Variants in MN1 observed in about 807,000 individuals in gnomAD.
MN1 encodes the protein transcriptional activator MN1.
MN1 carries 19 observed loss-of-function variants against 86.9 expected under a neutral mutation model. The ratio of observed to expected loss-of-function variants is 0.22; its 90% CI spans 0.15 to 0.32. The LOEUF (loss-of-function observed/expected upper bound fraction) is 0.32. MN1 is among the 10% of genes least tolerant of loss of function. The pLI, the probability that MN1 is intolerant of heterozygous loss-of-function variation, is 1.00. For missense variants in MN1, 1,841 were observed against 1,862.0 expected (o/e 0.99, Z 0.21); for synonymous variants, 928 against 849.6 (o/e 1.09, Z -1.60).
At chr22:27,793,166 G>A (rs1933238009) in intron 1 of MN1, among the ~76,000 whole-genome samples, 1 of 152,158 alleles carries the variant, frequency 6.6e-6, no homozygotes, top group African/African-American at 2.4e-5. Context: ...GGGGAAAGGA[G>A]GTTTGGCAAA....
intron 1 of MN1, among the ~76,000 whole-genome samples, chr22:27,780,307 C>CCTCT (rs1404692975): frequency 6.6e-6 from 1 of 152,136 alleles, no homozygotes; most frequent in Non-Finnish European, 1.5e-5. Context: ...CTGTCTCTCC[C>CCTCT]CTCTCACCAG....
intron 1 of MN1, among the ~76,000 whole-genome samples, chr22:27,787,409 G>A (rs915541837): frequency 6.6e-6 from 1 of 152,204 alleles, no homozygotes; most frequent in Non-Finnish European, 1.5e-5. Flanking sequence ...TGGACCTGGG[G>A]TCTCCTGGAA....
At chr22:27,771,417 G>GA (rs1325362029) in intron 1 of MN1, among the ~76,000 whole-genome samples, 1 of 151,426 alleles carries the variant, frequency 6.6e-6, no homozygotes, top group Admixed American at 6.6e-5. Context: ...GTTGGTAGGG[G>GA]GGTCTCACTA....
chr22:27,779,065 C>T (rs964578428), intron 1 of MN1, among the ~76,000 whole-genome samples: 1 of 152,194 alleles, frequency 6.6e-6, no homozygotes, highest in African/African-American at 2.4e-5. Context: ...GGGTCCATCC[C>T]GGTCCCTCTG....
Position 27,798,376 on chromosome 22 carries a change from C to G in MN1, c.2168G>C (p.Ser723Thr). 2 of 1,503,166 alleles carry G rather than the reference C, an allele frequency of 1.3e-6. No homozygotes were observed. The highest frequency in any genetic ancestry group is 1.8e-6 in the Non-Finnish European group (2 of 1,135,378). 93.1% of individuals were successfully genotyped at this position (1,503,166 alleles called of 1,614,324 possible). The change falls in exon 1 of 2, where the codon AGC becomes ACC. Residue 723 changes from serine (S) to threonine (T), a missense_variant. Ser to Thr is a moderately conservative substitution (Grantham distance 58, BLOSUM62 1). Coordinates refer to ENST00000302326, the MANE Select transcript of MN1 (RefSeq NM_002430.3). ...QSPGAGVGLPSAASERRPPPP... is the reference protein window; with the variant it reads ...QSPGAGVGLPTAASERRPPPP... ...CGGGGGCCGGCGCTCCGAAGCAGCG[C>G]TGGGGAGCCCCACGCCCGCCCCGGG...
At chr22:27,771,569 C>T (rs917692529) in intron 1 of MN1, among the ~76,000 whole-genome samples, 1 of 152,036 alleles carries the variant, frequency 6.6e-6, no homozygotes, top group Admixed American at 6.6e-5. Flanking sequence ...AAAGAAGATA[C>T]TTCATAACAA....
intron 1 of MN1, among the ~76,000 whole-genome samples, chr22:27,795,596 G>A (rs1477679036): frequency 2.0e-5 from 3 of 151,942 alleles, no homozygotes; most frequent in Non-Finnish European, 4.4e-5. Context: ...GAAACCAAGG[G>A]AATTCAACTA....
intron 1 of MN1, among the ~76,000 whole-genome samples, chr22:27,755,132 C>G (rs2283845): frequency 0.2 from 30,074 of 152,132 alleles, 3,288 homozygotes; most frequent in East Asian, 0.34. Context: ...GCTCTCTCCT[C>G]TCAGCCCAGG....
At chr22:27,776,922 G>C (rs1045790134) in intron 1 of MN1, among the ~76,000 whole-genome samples, 3 of 152,154 alleles carry the variant, frequency 2.0e-5, no homozygotes, top group Non-Finnish European at 2.9e-5. Flanking sequence ...GGAGCCGGTG[G>C]GGGAGAGGGA....
At chr22:27,770,407 T>C (rs1024644028) in intron 1 of MN1, among the ~76,000 whole-genome samples, 4 of 151,966 alleles carry the variant, frequency 2.6e-5, no homozygotes, top group African/African-American at 9.7e-5. Context: ...TTCCAACACA[T>C]AAATTTCTGG....
At chr22:27,786,438 C>T (rs1306292993) in intron 1 of MN1, among the ~76,000 whole-genome samples, 1 of 152,094 alleles carries the variant, frequency 6.6e-6, no homozygotes, top group East Asian at 1.9e-4. Context: ...TAAACACACA[C>T]ACACACACAC....
At chr22:27,751,124 T>C (rs781163572) in intron 1 of MN1, 28 bp from the exon 2 acceptor site, 3 of 1,520,662 alleles carry the variant, frequency 2.0e-6, no homozygotes, top group Non-Finnish European at 1.8e-6. Flanking sequence ...AGAGAGGACA[T>C]TAGTGGCACA....
Position 27,800,635 on chromosome 22 carries a change from G to C in MN1, c.-92C>G. 1 of 1,578,282 alleles carries C rather than the reference G, an allele frequency of 6.3e-7. No homozygotes were observed. The highest frequency in any genetic ancestry group is 1.1e-5 in the South Asian group (1 of 87,348). ...CAGCTACTCGTTCCAGCCCAGGATT[G>C]GGCGCTCCGGGACGCTCAGCACCGC... On this transcript the variant is annotated 5_prime_UTR_variant, in exon 1 of 2. Transcript: ENST00000302326.
In MN1 at chr22:27,798,274, G is replaced by T; in HGVS notation, c.2270C>A (p.Pro757Gln). The change falls in exon 1 of 2, where the codon CCG becomes CAG. Residue 757 changes from proline (P) to glutamine (Q), a missense_variant. Pro to Gln is a moderately conservative substitution (Grantham distance 76). Transcript: ENST00000302326. Reference sequence around the variant, plus strand: ...CGAGTTCACGCCTGGACCGCTGTGCGGCGTGGACTGCCGGCCGGCTGCACC... The same window carrying T: ...CGAGTTCACGCCTGGACCGCTGTGCTGCGTGGACTGCCGGCCGGCTGCACC... ...PFGAAGRQST[P>Q]HSGPGVNSPP... 6.5e-7 allele frequency: 1 copy of T among 1,528,410 alleles called. No homozygotes were observed. Among genetic ancestry groups the T allele is most frequent in the African/African-American group, 1.4e-5 (1 of 71,554 alleles). 94.7% of individuals were successfully genotyped at this position (1,528,410 alleles called of 1,614,324 possible). A position where few individuals can be genotyped will look rare whatever the true frequency, so the allele number is the denominator to read the frequency against.
chr22:27,771,072 A>C (rs773425546), intron 1 of MN1, among the ~76,000 whole-genome samples: 71 of 152,262 alleles, frequency 4.7e-4, no homozygotes, highest in South Asian at 1.2e-3. Flanking sequence ...CACTGCATTA[A>C]GCACACTTCA....
Position 27,748,457 on chromosome 22 carries a change from A to T in MN1, c.*2458T>A, listed in dbSNP as rs1373201739. 1.0e-5 allele frequency: 2 copies of T among 193,400 alleles called. No individual in the cohort carries two copies. Among genetic ancestry groups the T allele is most frequent in the Non-Finnish European group, 2.2e-5 (2 of 92,412 alleles). The allele number at this position is 193,400 out of a possible 1,614,324, so 12.0% of individuals were successfully genotyped here. On this transcript the variant is annotated 3_prime_UTR_variant, in exon 2 of 2. Coordinates refer to ENST00000302326, the MANE Select transcript of MN1 (RefSeq NM_002430.3). Reference sequence around the variant, plus strand: ...TTCCAACCAAGCATTTCAGAAATGAATTTCTTTTAAGAGTCAAAAAAGATT... The same window carrying T: ...TTCCAACCAAGCATTTCAGAAATGATTTTCTTTTAAGAGTCAAAAAAGATT...
Position 27,799,294 on chromosome 22 carries a change from C to G in MN1, c.1250G>C (p.Arg417Pro). 1 of 1,588,234 alleles carries G rather than the reference C, an allele frequency of 6.3e-7. No homozygotes were observed. The highest frequency in any genetic ancestry group is 8.6e-7 in the Non-Finnish European group (1 of 1,167,380). Residue 417 changes from arginine (R) to proline (P), a missense_variant, in exon 1 of 2, where the codon CGG becomes CCG. Coordinates refer to ENST00000302326, the MANE Select transcript of MN1 (RefSeq NM_002430.3). The part of the protein sequence containing the change: ...FEYPIHRLEN[R>P]SMHPYSEPVF... ...AGGCTCGGAATAAGGGTGCATGCTC[C>G]GGTTCTCCAGCCGGTGGATGGGATA...
rs199615090 is a variant in MN1, at chr22:27,800,351, T to G, written c.193A>C (p.Met65Leu). ...LGEPPILGMNMEPYGFHARGH... is the reference protein window; with the variant it reads ...LGEPPILGMNLEPYGFHARGH... ...CGCGCGTGGAAGCCGTAGGGCTCCA[T>G]GTTCATGCCCAAGATCGGGGGTTCG... The change falls in exon 1 of 2, where the codon ATG (methionine) becomes CTG (leucine). Residue 65 changes from methionine to leucine, a missense_variant. Transcript: ENST00000302326. The G allele has an allele frequency of 9.6e-5, 154 of 1,605,282 alleles. No individual in the cohort carries two copies. In the African/African-American group the frequency reaches 1.6e-3, roughly 17 times the overall value.
intron 1 of MN1, among the ~76,000 whole-genome samples, chr22:27,755,533 C>A (rs1025922470): frequency 6.6e-6 from 1 of 152,156 alleles, no homozygotes; most frequent in Admixed American, 6.5e-5. Context: ...AGGGTCAAGG[C>A]CCAGAGCTGA....
Sources: gnomAD v4.1 joint callset for allele counts (sites outside exome capture counted in the v4.1 genomes callset) on GRCh38, gnomAD v4.1.1 for gene constraint, MANE v1.5 for transcripts, NCBI Gene and HGNC (gene_info 2026-07-23, HGNC 2026-07-21) for gene names.